The following AOPEP variants were observed in gnomAD, a reference collection of about 807,000 sequenced individuals.
The protein encoded by AOPEP is aminopeptidase O.
AOPEP carries 77 observed loss-of-function variants against 98.1 expected under a neutral mutation model. The observed-to-expected ratio is 0.78, with a 90% CI of 0.65 to 0.95. The LOEUF (loss-of-function observed/expected upper bound fraction) is 0.95, where lower values mean the gene tolerates loss of function less well. AOPEP is among the 40% of genes least tolerant of loss of function. AOPEP has a pLI of 0.00. For missense variants in AOPEP, 1,024 were observed against 1,024.7 expected, an observed-to-expected ratio of 1.00 and a Z score of 0.01; for synonymous variants, 346 against 365.3, an observed-to-expected ratio of 0.95 and a Z score of 0.60.
At chr9:94,870,352 A>G (rs760841584) in intron 5 of AOPEP, among the ~76,000 whole-genome samples, 1 of 152,196 alleles carries the variant, frequency 6.6e-6, no homozygotes, top group Non-Finnish European at 1.5e-5. Flanking sequence ...TTTAAGGAGA[A>G]GAGTATCGAG....
At chr9:95,003,014 C>T (rs1034656383) in intron 11 of AOPEP, among the ~76,000 whole-genome samples, 4 of 152,078 alleles carry the variant, frequency 2.6e-5, no homozygotes, top group Non-Finnish European at 5.9e-5. Flanking sequence ...TGCCGGAAAC[C>T]GTTAGGTTAT....
At chr9:94,762,137 A>G (rs2132516895) in intron 2 of AOPEP, among the ~76,000 whole-genome samples, 2 of 152,328 alleles carry the variant, frequency 1.3e-5, no homozygotes, top group Middle Eastern at 3.4e-3. Context: ...TTACAGATAA[A>G]TGATGGTTTC....
chr9:95,125,594 C>G, the AOPEP span, among the ~76,000 whole-genome samples: 1 of 152,102 alleles, frequency 6.6e-6, no homozygotes, highest in African/African-American at 2.4e-5. Context: ...TGTGTGTGTA[C>G]CTGGTTTCGC....
At chr9:94,971,377 A>T (rs1020090092) in intron 10 of AOPEP, among the ~76,000 whole-genome samples, 1 of 152,212 alleles carries the variant, frequency 6.6e-6, no homozygotes. Context: ...TTCAGCAGGT[A>T]TACCAGAATA....
chr9:94,777,105 ATGAATGATTGACATTCATT>A (rs939099865), intron 3 of AOPEP, among the ~76,000 whole-genome samples: 10 of 152,162 alleles, frequency 6.6e-5, no homozygotes, highest in Non-Finnish European at 1.3e-4. Flanking sequence ...ATTTTTTAAA[ATGAATGATTGACATTCATT>A]TGAATGATTG....
intron 1 of AOPEP, among the ~76,000 whole-genome samples, chr9:94,749,367 C>T (rs1265349670): frequency 6.6e-6 from 1 of 152,106 alleles, no homozygotes; most frequent in Non-Finnish European, 1.5e-5. Flanking sequence ...ATTTTCCCTG[C>T]CCAGCCTGAG....
the AOPEP span, chr9:95,126,537 C>T: frequency 1.2e-6 from 2 of 1,614,022 alleles, no homozygotes; most frequent in Non-Finnish European, 1.7e-6. Context: ...ACCTGAACAT[C>T]TCATCAACAA....
chr9:95,048,123 G>A (rs1187951331), intron 13 of AOPEP, among the ~76,000 whole-genome samples: 1 of 151,684 alleles, frequency 6.6e-6, no homozygotes, highest in Non-Finnish European at 1.5e-5. Context: ...TGTATTTATT[G>A]GTAAGTTTTT....
At chr9:95,041,381 G>A (rs1379669856) in intron 13 of AOPEP, among the ~76,000 whole-genome samples, 10 of 150,400 alleles carry the variant, frequency 6.6e-5, no homozygotes, top group Non-Finnish European at 1.3e-4. Flanking sequence ...AATCATCCTT[G>A]TGGTAATTTG....
chr9:95,021,669 T>C (rs928537745), intron 13 of AOPEP: 1 of 152,354 alleles, frequency 6.6e-6, no homozygotes, highest in Non-Finnish European at 1.5e-5. Flanking sequence ...GCCTTTGTCC[T>C]CTGAGCAGGG....
intron 9 of AOPEP, among the ~76,000 whole-genome samples, chr9:94,957,212 G>GT (rs1354199317): frequency 1.3e-5 from 2 of 151,956 alleles, no homozygotes; most frequent in African/African-American, 2.4e-5. Flanking sequence ...CTTTTTTGTT[G>GT]TTTTTTTGTT....
rs75875245 is a variant in AOPEP at position 94,763,605 on chromosome 9, G to T, written c.797+3025G>T. On this transcript the variant is annotated intron_variant, in intron 2 of 16. Coordinates refer to ENST00000375315, the MANE Select transcript of AOPEP (RefSeq NM_001193329.3). ...TTCTGATACCATTTTCCAATGAAGA[G>T]AACTAGGACTTCTTGGAGAAATGTC... 2.2e-4 allele frequency among the ~76,000 whole-genome samples: 34 copies of T among 152,236 alleles called. No individual in the cohort carries two copies. The East Asian group carries it at 6.4e-3, about 28-fold the overall frequency.
At chr9:94,906,325 G>A (rs917952376) in intron 5 of AOPEP, among the ~76,000 whole-genome samples, 1 of 151,686 alleles carries the variant, frequency 6.6e-6, no homozygotes, top group Admixed American at 6.6e-5. Flanking sequence ...AATTAACTGG[G>A]TGTGGTGATG....
intron 2 of AOPEP, among the ~76,000 whole-genome samples, chr9:94,762,103 A>G (rs1588092834): frequency 6.6e-6 from 1 of 152,236 alleles, no homozygotes; most frequent in Non-Finnish European, 1.5e-5. Flanking sequence ...GGTGAATTAA[A>G]TGACATGTAA....
intron 13 of AOPEP, among the ~76,000 whole-genome samples, chr9:95,031,686 A>C (rs1242961761): frequency 6.6e-6 from 1 of 152,126 alleles, no homozygotes; most frequent in Non-Finnish European, 1.5e-5. Context: ...TGCACCTTAA[A>C]TCCTGTTCAA....
intron 3 of AOPEP, among the ~76,000 whole-genome samples, chr9:94,787,249 C>T (rs1844630692): frequency 6.6e-6 from 1 of 152,182 alleles, no homozygotes; most frequent in African/African-American, 2.4e-5. Context: ...CCATTTCTCT[C>T]CCCTGCCACA....
At chr9:95,080,668 C>T (rs2069643599) in intron 14 of AOPEP, 26 bp from the exon 15 acceptor site, 6 of 1,587,930 alleles carry the variant, frequency 3.8e-6, no homozygotes, top group Non-Finnish European at 5.2e-6. Flanking sequence ...GCTTGTCGCT[C>T]ACTGGGCTCT....
Position 94,784,425 on chromosome 9 carries a change from C to G in AOPEP, c.965-8340C>G, listed in dbSNP as rs78720993. 6.3e-3 allele frequency among the ~76,000 whole-genome samples: 965 copies of G among 152,260 alleles called. 8 individuals are homozygous for G. Among genetic ancestry groups the G allele is most frequent in the African/African-American group, 0.022 (919 of 41,538 alleles). On this transcript the variant is annotated intron_variant, in intron 3 of 16. Transcript: ENST00000375315. ...TTTAGTATAAAAAGTTCTCTCTCCTCTCATGAACTGACTACTCCTTCATGT... is the reference window on the plus strand; with the variant it reads ...TTTAGTATAAAAAGTTCTCTCTCCTGTCATGAACTGACTACTCCTTCATGT...
At chr9:94,923,883 A>C in intron 5 of AOPEP, 103 bp from the exon 6 acceptor site, 1 of 689,624 alleles carries the variant, frequency 1.5e-6, no homozygotes, top group Non-Finnish European at 2.2e-6. Flanking sequence ...TAGCATGCAC[A>C]TGATAATAAC....
Sources: gnomAD v4.1 joint callset for allele counts (sites outside exome capture counted in the v4.1 genomes callset) on GRCh38, gnomAD v4.1.1 for gene constraint, MANE v1.5 for transcripts, NCBI Gene and HGNC (gene_info 2026-07-23, HGNC 2026-07-21) for gene names.